Variants in THSD7A observed in about 807,000 individuals in gnomAD.
THSD7A encodes the protein thrombospondin type-1 domain-containing protein 7A.
A neutral mutation model predicts 231.3 loss-of-function variants in THSD7A; 96 were observed. The ratio of observed to expected loss-of-function variants is 0.41; its 90% CI spans 0.35 to 0.49. The LOEUF is 0.49. THSD7A is among the 20% of genes least tolerant of loss of function. The pLI is 0.05. For synonymous variants in THSD7A, 940 were observed against 743.3 expected, an observed-to-expected ratio of 1.26 and a Z score of -4.30; for missense variants, 2,290 against 2,070.2, an observed-to-expected ratio of 1.11 and a Z score of -2.06.
At chr7:11,396,010 A>G (rs956667006) in intron 23 of THSD7A, among the ~76,000 whole-genome samples, 2 of 152,242 alleles carry the variant, frequency 1.3e-5, no homozygotes, top group African/African-American at 2.4e-5. Context: ...GCTCAACTAC[A>G]TGGAAACTGA....
At chr7:11,401,649 T>G (rs1367645798) in intron 23 of THSD7A, 146 bp downstream of exon 23, 2 of 649,276 alleles carry the variant, frequency 3.1e-6, no homozygotes, top group Non-Finnish European at 4.7e-6. Flanking sequence ...TGGCCTCAGG[T>G]GATCCGCCCA....
intron 6 of THSD7A, among the ~76,000 whole-genome samples, chr7:11,511,607 C>T (rs923333969): frequency 6.6e-6 from 1 of 152,126 alleles, no homozygotes; most frequent in South Asian, 2.1e-4. Context: ...TGGAACAGAA[C>T]AGAGCCCTCA....
intron 1 of THSD7A, among the ~76,000 whole-genome samples, chr7:11,676,179 C>T (rs1448816824): frequency 6.6e-6 from 1 of 152,162 alleles, no homozygotes; most frequent in African/African-American, 2.4e-5. Context: ...AGGGGCCTGA[C>T]TGTTAGAAAG....
In THSD7A at chr7:11,705,802, C is replaced by A. The variant is rs1780747226; in HGVS notation, c.191-68841G>T. Among the ~76,000 whole-genome samples the A allele has an allele frequency of 2.0e-5, 3 of 150,876 alleles. No individual in the cohort carries two copies. In the Admixed American group the frequency reaches 2.0e-4, roughly 10 times the overall value. On this transcript the variant is annotated intron_variant, in intron 1 of 27. Coordinates refer to ENST00000423059, the MANE Select transcript of THSD7A (RefSeq NM_015204.3). ...TGTATTAGAGATTGCCAAAATCTTT[C>A]ATGTTTCAAAAATTCTATTTTCCAT... is the stretch of plus-strand genomic sequence containing the variant.
At chr7:11,478,877 T>C (rs902843680) in intron 7 of THSD7A, among the ~76,000 whole-genome samples, 1 of 152,100 alleles carries the variant, frequency 6.6e-6, no homozygotes, top group African/African-American at 2.4e-5. Context: ...TAGCACACAA[T>C]AGGATTATAT....
At chr7:11,677,036 A>G (rs1305418650) in intron 1 of THSD7A, among the ~76,000 whole-genome samples, 1 of 152,212 alleles carries the variant, frequency 6.6e-6, no homozygotes, top group Non-Finnish European at 1.5e-5. Flanking sequence ...GGTTACCCAC[A>G]AAAGGAAGCC....
At chr7:11,534,932 C>G (rs867781049) in intron 6 of THSD7A, among the ~76,000 whole-genome samples, 1 of 152,110 alleles carries the variant, frequency 6.6e-6, no homozygotes, top group Non-Finnish European at 1.5e-5. Context: ...TTGCTGGCAC[C>G]CAGGAATTCA....
chr7:11,597,985 A>G (rs1032167093), intron 2 of THSD7A, among the ~76,000 whole-genome samples: 1 of 152,170 alleles, frequency 6.6e-6, no homozygotes, highest in African/African-American at 2.4e-5. Flanking sequence ...GGTCTGGTTC[A>G]AAGATGGTTC....
At chr7:11,719,369 A>G (rs867846011) in intron 1 of THSD7A, among the ~76,000 whole-genome samples, 3 of 151,620 alleles carry the variant, frequency 2.0e-5, no homozygotes, top group African/African-American at 7.3e-5. Flanking sequence ...TAGATTTTCT[A>G]TATTGTCTGT....
chr7:11,377,924 C>G lies in THSD7A; in HGVS notation c.4801+1146G>C, dbSNP rs1327644884. 1 of 151,382 alleles carries G rather than the reference C, an allele frequency of 6.6e-6. No individual in the cohort carries two copies. The highest frequency in any genetic ancestry group is 2.4e-5 in the African/African-American group (1 of 41,172). The allele number at this position is 151,382 out of a possible 1,614,324, so 9.4% of individuals were successfully genotyped here. A position where few individuals can be genotyped will look rare whatever the true frequency, so the allele number is the denominator to read the frequency against. On this transcript the variant is annotated intron_variant, in intron 26 of 27. Transcript: ENST00000423059. This position sits in a 1 kb window ranked among gnomAD's most constrained non-coding sequence, Gnocchi z 4.5. ...ATCTGCTTCAATTCTTAGTGAAGGTCAAAATTGCTACTGGTTGTCTGCTAG... is the reference window on the plus strand; with the variant it reads ...ATCTGCTTCAATTCTTAGTGAAGGTGAAAATTGCTACTGGTTGTCTGCTAG...
intron 6 of THSD7A, among the ~76,000 whole-genome samples, chr7:11,505,710 A>C (rs1475277469): frequency 1.3e-5 from 2 of 152,174 alleles, no homozygotes; most frequent in Non-Finnish European, 2.9e-5. Context: ...GTGTTCAGTC[A>C]ATAGGGTTAT....
Position 11,831,745 on chromosome 7 carries a change from C to CCACTGGTAAGTG in THSD7A, c.190+11_190+12insCACTTACCAGTG, listed in dbSNP as rs1244971893. 6.9e-7 allele frequency: 1 copy of CCACTGGTAAGTG among 1,443,900 alleles called. No homozygotes were observed. Among genetic ancestry groups the CCACTGGTAAGTG allele is most frequent in the Non-Finnish European group, 9.1e-7 (1 of 1,093,664 alleles). The allele number at this position is 1,443,900 out of a possible 1,614,324, so 89.4% of individuals were successfully genotyped here. On this transcript the variant is annotated intron_variant, in intron 1 of 27. Transcript: ENST00000423059. This position sits in a 1 kb window ranked among gnomAD's most constrained non-coding sequence, Gnocchi z 5.0. ...TGTGAAGATGGGGAAAGGGTAACTC[C>CCACTGGTAAGTG]GTCCCACTTACCAGTCTTCCACAGA...
intron 1 of THSD7A, among the ~76,000 whole-genome samples, chr7:11,666,543 C>A (rs111587669): frequency 6.6e-6 from 1 of 151,638 alleles, no homozygotes; most frequent in African/African-American, 2.4e-5. Flanking sequence ...GTTTTACTGC[C>A]TAATACAGTG....
At chr7:11,594,844 GA>G (rs1325090415) in intron 2 of THSD7A, among the ~76,000 whole-genome samples, 1 of 152,198 alleles carries the variant, frequency 6.6e-6, no homozygotes, top group African/African-American at 2.4e-5. Flanking sequence ...TGCAAGGAAA[GA>G]TGCATGCACA....
chr7:11,586,968 TC>T (rs771288221), intron 4 of THSD7A, among the ~76,000 whole-genome samples: 7 of 152,186 alleles, frequency 4.6e-5, no homozygotes, highest in African/African-American at 1.7e-4. Flanking sequence ...TAATATGTTT[TC>T]TACAGAGAAA....
intron 1 of THSD7A, among the ~76,000 whole-genome samples, chr7:11,732,657 T>C (rs938619224): frequency 2.0e-5 from 3 of 151,742 alleles, no homozygotes; most frequent in South Asian, 2.1e-4. Flanking sequence ...ACCACCACAA[T>C]AGCAAATTTG....
At chr7:11,394,400 CA>C (rs1248516071) in intron 23 of THSD7A, among the ~76,000 whole-genome samples, 1 of 151,916 alleles carries the variant, frequency 6.6e-6, no homozygotes, top group Non-Finnish European at 1.5e-5. Context: ...CCACTGCAAA[CA>C]TGTAGATCAG....
At chr7:11,422,085 A>G (rs1378471729) in intron 16 of THSD7A, among the ~76,000 whole-genome samples, 1 of 152,150 alleles carries the variant, frequency 6.6e-6, no homozygotes, top group Admixed American at 6.5e-5. Flanking sequence ...AGTTGTAGAC[A>G]AAGGGTTGAG....
At chr7:11,397,443 A>G (rs1783231193) in intron 23 of THSD7A, among the ~76,000 whole-genome samples, 1 of 152,216 alleles carries the variant, frequency 6.6e-6, no homozygotes, top group Non-Finnish European at 1.5e-5. Flanking sequence ...CCCAAGACCT[A>G]AAACCGTAAA....
Sources: allele counts gnomAD v4.1 joint callset (sites outside exome capture counted in the v4.1 genomes callset), GRCh38; gene constraint gnomAD v4.1.1; non-coding constraint Gnocchi (gnomAD v3.1); transcripts MANE v1.5; gene names NCBI Gene and HGNC (gene_info 2026-07-23, HGNC 2026-07-21).